The following PIEZO2 variants were observed in gnomAD, a reference collection of about 807,000 sequenced individuals.
The protein encoded by PIEZO2 is piezo type mechanosensitive ion channel component 2.
In PIEZO2, 172 loss-of-function variants were observed where a neutral mutation model predicts 337.3. The ratio of observed to expected loss-of-function variants is 0.51; its 90% confidence interval spans 0.45 to 0.58. The LOEUF is 0.58. Ranked by LOEUF, PIEZO2 falls within the 20% of genes least tolerant of loss-of-function variation. The pLI is 0.00. For synonymous variants in PIEZO2, 1,251 were observed against 1,228.5 expected, an observed-to-expected ratio of 1.02 and a Z score of -0.38; for missense variants, 3,028 against 3,391.3, an observed-to-expected ratio of 0.89 and a Z score of 2.66.
chr18:11,040,565 G>A (rs1047868013), intron 2 of PIEZO2, among the ~76,000 whole-genome samples: 4 of 152,158 alleles, frequency 2.6e-5, no homozygotes, highest in African/African-American at 7.2e-5. Context: ...TGAATGTTAC[G>A]TAATTTTCAG....
intron 2 of PIEZO2, among the ~76,000 whole-genome samples, chr18:11,051,364 T>TGTGTGTGTGG (rs1288310705): frequency 4.1e-4 from 62 of 151,970 alleles, no homozygotes; most frequent in Non-Finnish European, 5.7e-4. Flanking sequence ...TGTGTGTGTG[T>TGTGTGTGTGG]GTGTGGGTGT....
At chr18:10,898,121 C>T (rs947642942) in intron 4 of PIEZO2, among the ~76,000 whole-genome samples, 1 of 152,188 alleles carries the variant, frequency 6.6e-6, no homozygotes, top group African/African-American at 2.4e-5. Flanking sequence ...CAGCATTCCA[C>T]CCTTGCATGG....
rs1040654492 is a variant in PIEZO2, at chr18:11,112,476, G to C, written c.64+36049C>G. ...TCCAACTCCATCATTTATTTACATG[G>C]AACTACTGAGAGTCAAGTCTCCAAA... On this transcript the variant is annotated intron_variant, in intron 1 of 55. Coordinates refer to ENST00000674853, the MANE Select transcript of PIEZO2 (RefSeq NM_001378183.1). The surrounding 1 kb of genome is among the most constrained non-coding windows in gnomAD (Gnocchi z 4.3). 1.3e-5 allele frequency among the ~76,000 whole-genome samples: 2 copies of C among 152,140 alleles called. No individual in the cohort carries two copies. Among genetic ancestry groups the C allele is most frequent in the African/African-American group, 4.8e-5 (2 of 41,430 alleles).
intron 3 of PIEZO2, among the ~76,000 whole-genome samples, chr18:10,961,375 G>T (rs1194705771): frequency 1.4e-5 from 2 of 145,070 alleles, no homozygotes; most frequent in African/African-American, 5.2e-5. Flanking sequence ...GGACGCAAAG[G>T]CATAAGAATG....
chr18:10,686,660 A>C (rs548979638), intron 49 of PIEZO2, among the ~76,000 whole-genome samples: 3 of 152,190 alleles, frequency 2.0e-5, no homozygotes, highest in Non-Finnish European at 4.4e-5. Flanking sequence ...AACAAGCCCC[A>C]ATGTGGGAAG....
chr18:10,697,260 C>A (rs116926417), intron 45 of PIEZO2, among the ~76,000 whole-genome samples: 2,790 of 152,316 alleles, frequency 0.018, 29 homozygotes, highest in Middle Eastern at 0.082. Context: ...GGGCTCCACT[C>A]CCAGCTGGCA....
Position 10,795,550 on chromosome 18 carries a change from A to G in PIEZO2, c.1528-548T>C, listed in dbSNP as rs1373060226. Among the ~76,000 whole-genome samples the G allele has an allele frequency of 6.6e-6, 1 of 152,094 alleles. No individual in the cohort carries two copies. ...GATGTACAGAAAATGTCAAAAAGTAACCAAAGAACACAGAACTAATTTTAT... is the reference window on the plus strand; with the variant it reads ...GATGTACAGAAAATGTCAAAAAGTAGCCAAAGAACACAGAACTAATTTTAT... On this transcript the variant is annotated intron_variant, in intron 12 of 55. Coordinates refer to ENST00000674853, the MANE Select transcript of PIEZO2 (RefSeq NM_001378183.1). This position sits in a 1 kb window ranked among gnomAD's most constrained non-coding sequence, Gnocchi z 4.4.
chr18:10,833,487 C>T lies in PIEZO2; in HGVS notation c.917+21866G>A, dbSNP rs945280571. Among the ~76,000 whole-genome samples, 1 of 152,088 alleles carries T rather than the reference C, an allele frequency of 6.6e-6. No individual in the cohort carries two copies. The highest frequency in any genetic ancestry group is 2.4e-5 in the African/African-American group (1 of 41,406). On this transcript the variant is annotated intron_variant, in intron 7 of 55. Transcript: ENST00000674853. This position sits in a 1 kb window ranked among gnomAD's most constrained non-coding sequence, Gnocchi z 4.7. Reference sequence around the variant, plus strand: ...AAGGTGGCAGAACATGCAGGCAGCTCGCTCCCCGGTGGGTTTTTATTTCTG... The same window carrying T: ...AAGGTGGCAGAACATGCAGGCAGCTTGCTCCCCGGTGGGTTTTTATTTCTG...
chr18:11,084,269 TTTTC>T (rs1190056128), intron 1 of PIEZO2, among the ~76,000 whole-genome samples: 1 of 152,006 alleles, frequency 6.6e-6, no homozygotes, highest in East Asian at 1.9e-4. Flanking sequence ...TAATTAAATG[TTTTC>T]TTTATCATCC....
intron 47 of PIEZO2, 44 bp downstream of exon 47, chr18:10,696,030 T>C (rs1195744079): frequency 1.9e-6 from 3 of 1,548,590 alleles, no homozygotes; most frequent in African/African-American, 2.7e-5. Context: ...GGAAACACAG[T>C]TGCATGGAGG....
In PIEZO2 at chr18:10,973,141, T is replaced by C. The variant is rs1410950274; in HGVS notation, c.286+6394A>G. Among the ~76,000 whole-genome samples, 1 of 152,190 alleles carries C rather than the reference T, an allele frequency of 6.6e-6. No homozygotes were observed. Among genetic ancestry groups the C allele is most frequent in the Non-Finnish European group, 1.5e-5 (1 of 68,042 alleles). ...TGAAAACTGCTGCATAAAGTGAGCATCCATATCTATTACTAAAGGTGAATC... is the reference window on the plus strand; with the variant it reads ...TGAAAACTGCTGCATAAAGTGAGCACCCATATCTATTACTAAAGGTGAATC... On this transcript the variant is annotated intron_variant, in intron 3 of 55. Coordinates refer to ENST00000674853, the MANE Select transcript of PIEZO2 (RefSeq NM_001378183.1). The surrounding 1 kb of genome is among the most constrained non-coding windows in gnomAD (Gnocchi z 4.9).
At chr18:10,710,564 C>G (rs894028834) in intron 39 of PIEZO2, among the ~76,000 whole-genome samples, 3 of 152,236 alleles carry the variant, frequency 2.0e-5, no homozygotes, top group African/African-American at 7.2e-5. Context: ...TTGAAAGAAA[C>G]CGTGACTATT....
intron 2 of PIEZO2, among the ~76,000 whole-genome samples, chr18:11,050,524 TACAC>T (rs56107549): frequency 0.41 from 61,736 of 148,766 alleles, 13,283 homozygotes; most frequent in East Asian, 0.62. Context: ...GTGTTTATTT[TACAC>T]ACACACACAC....
At position 10,888,980 on chromosome 18, in the gene PIEZO2, G is replaced by A. The variant is rs1270564338; in HGVS notation, c.330-17565C>T. 6.6e-6 allele frequency among the ~76,000 whole-genome samples: 1 copy of A among 152,186 alleles called. No homozygotes were observed. Among genetic ancestry groups the A allele is most frequent in the Non-Finnish European group, 1.5e-5 (1 of 68,048 alleles). Reference sequence around the variant, plus strand: ...AGGGGTCATTTCATGATCCTAATGTGCACACTTTGTGGATACCAAAATCTC... The same window carrying A: ...AGGGGTCATTTCATGATCCTAATGTACACACTTTGTGGATACCAAAATCTC... On this transcript the variant is annotated intron_variant, in intron 4 of 55. Transcript: ENST00000674853. The surrounding 1 kb of genome is among the most constrained non-coding windows in gnomAD (Gnocchi z 4.1).
At chr18:10,923,266 C>T (rs1225871792) in intron 3 of PIEZO2, among the ~76,000 whole-genome samples, 2 of 152,100 alleles carry the variant, frequency 1.3e-5, no homozygotes, top group African/African-American at 2.4e-5. Flanking sequence ...AAGATTTCAT[C>T]GTACTCATTC....
intron 2 of PIEZO2, 38 bp downstream of exon 2, chr18:11,066,089 G>T: frequency 6.9e-7 from 1 of 1,459,044 alleles, no homozygotes; most frequent in Non-Finnish European, 9.3e-7. Flanking sequence ...CATTCAGACT[G>T]TATAACTCTG....
Position 11,080,393 on chromosome 18 carries a change from A to C in PIEZO2, c.65-14171T>G, listed in dbSNP as rs1016262990. ...CCTTGTAGAATTTCACCATCTATACATGCTACTTCCTTGATTAGACTGTAA... is the reference window on the plus strand; with the variant it reads ...CCTTGTAGAATTTCACCATCTATACCTGCTACTTCCTTGATTAGACTGTAA... On this transcript the variant is annotated intron_variant, in intron 1 of 55. Transcript: ENST00000674853. The surrounding 1 kb of genome is among the most constrained non-coding windows in gnomAD (Gnocchi z 5.4). Among the ~76,000 whole-genome samples the C allele has an allele frequency of 6.6e-6, 1 of 152,250 alleles. No individual in the cohort carries two copies. Among genetic ancestry groups the C allele is most frequent in the Non-Finnish European group, 1.5e-5 (1 of 68,046 alleles).
chr18:10,932,512 C>T (rs113348096), intron 3 of PIEZO2, among the ~76,000 whole-genome samples: 1,733 of 152,280 alleles, frequency 0.011, 44 homozygotes, highest in African/African-American at 0.035. Flanking sequence ...ACTGTGTTTC[C>T]GGGGATGAGC....
Position 10,943,576 on chromosome 18 carries a change from A to G in PIEZO2, c.287-32348T>C, listed in dbSNP as rs935973175. On this transcript the variant is annotated intron_variant, in intron 3 of 55. Coordinates refer to ENST00000674853, the MANE Select transcript of PIEZO2 (RefSeq NM_001378183.1). The surrounding 1 kb of genome is among the most constrained non-coding windows in gnomAD (Gnocchi z 4.5). ...TTACCCCCATTGTATACAGGAAGTA[A>G]CTAACTTGCTTTTGATTTTACAGGC... is the stretch of plus-strand genomic sequence containing the variant. Among the ~76,000 whole-genome samples the G allele has an allele frequency of 6.6e-6, 1 of 152,222 alleles. No homozygotes were observed. Among genetic ancestry groups the G allele is most frequent in the Non-Finnish European group, 1.5e-5 (1 of 68,034 alleles).
Sources: allele counts gnomAD v4.1 joint callset (sites outside exome capture counted in the v4.1 genomes callset), GRCh38; gene constraint gnomAD v4.1.1; non-coding constraint Gnocchi (gnomAD v3.1); transcripts MANE v1.5; gene names NCBI Gene and HGNC (gene_info 2026-07-23, HGNC 2026-07-21).